Variants in DRC11L observed in about 807,000 individuals in gnomAD.
The protein encoded by DRC11L is dynein regulatory complex subunit 11 like.
chr7:151,192,564 C>T, the DRC11L span: 18 of 398,352 alleles, frequency 4.5e-5, no homozygotes, highest in African/African-American at 1.2e-4. Context: ...TCAGCCCTAG[C>T]GGGATGAGGA....
chr7:151,196,591 A>C, the DRC11L span: 4 of 399,542 alleles, frequency 1.0e-5, no homozygotes, highest in Non-Finnish European at 1.8e-5. Context: ...TGAAGGTCAG[A>C]GTGCCGGGTG....
chr7:151,190,942 C>T, the DRC11L span: 1 of 399,806 alleles, frequency 2.5e-6, no homozygotes, highest in African/African-American at 2.1e-5. Context: ...CTGCCCTGTC[C>T]CACGCCACTA....
chr7:151,193,625 C>T, the DRC11L span: 1 of 398,244 alleles, frequency 2.5e-6, no homozygotes, highest in Non-Finnish European at 4.4e-6. Flanking sequence ...TACTACCTTC[C>T]CCAACACCAG....
At chr7:151,196,995 C>T in the DRC11L span, 12 of 399,188 alleles carry the variant, frequency 3.0e-5, no homozygotes, top group East Asian at 1.4e-4. Context: ...TCTTCATGCC[C>T]GGCACAGATC....
chr7:151,192,770 A>T, the DRC11L span: 4 of 399,134 alleles, frequency 1.0e-5, no homozygotes, highest in East Asian at 1.4e-4. Flanking sequence ...GGGTCTTCTT[A>T]TAGAAATTCT....
the DRC11L span, chr7:151,203,583 A>C: frequency 2.5e-6 from 1 of 398,110 alleles, no homozygotes; most frequent in Non-Finnish European, 4.4e-6. Flanking sequence ...ATCCGTTACC[A>C]TTTTTAGGGG....
the DRC11L span, chr7:151,193,237 C>G: frequency 2.5e-6 from 1 of 399,002 alleles, no homozygotes; most frequent in Admixed American, 4.4e-5. Flanking sequence ...AGCCCCCCTC[C>G]TTTGTTGCCA....
chr7:151,205,455 T>C, the DRC11L span: 1 of 399,192 alleles, frequency 2.5e-6, no homozygotes, highest in East Asian at 3.6e-5. Flanking sequence ...CCTCAGACAT[T>C]GTGTCCACTC....
At chr7:151,195,632 C>A in the DRC11L span, 1 of 399,778 alleles carries the variant, frequency 2.5e-6, no homozygotes, top group South Asian at 1.3e-4. Flanking sequence ...GGAGCTTCCT[C>A]AGCTCCTGAC....
chr7:151,192,733 G>A, the DRC11L span: 1 of 399,194 alleles, frequency 2.5e-6, no homozygotes, highest in Non-Finnish European at 4.4e-6. Flanking sequence ...TCACATCCAT[G>A]CTCCCTCACC....
chr7:151,195,851 T>A, the DRC11L span: 1,776 of 384,616 alleles, frequency 4.6e-3, 26 homozygotes, highest in African/African-American at 0.032. Flanking sequence ...TCCTGGCACC[T>A]GTTCACACCC....
At chr7:151,204,591 T>G in the DRC11L span, 1 of 399,012 alleles carries the variant, frequency 2.5e-6, no homozygotes, top group Non-Finnish European at 4.4e-6. Context: ...GTCCTTGAGC[T>G]CCAGCACGCG....
At chr7:151,204,309 T>A in the DRC11L span, among the ~76,000 whole-genome samples, 8 of 152,172 alleles carry the variant, frequency 5.3e-5, no homozygotes, top group Admixed American at 4.6e-4. Flanking sequence ...CCCTCCTTCC[T>A]TTCCTAGCAG....
chr7:151,203,670 CA>C, the DRC11L span, among the ~76,000 whole-genome samples: 3 of 152,162 alleles, frequency 2.0e-5, no homozygotes, highest in African/African-American at 7.2e-5. Flanking sequence ...CAGATACCCC[CA>C]AGAGCCACTC....
the DRC11L span, chr7:151,196,359 G>A: frequency 2.4e-4 from 94 of 398,922 alleles, no homozygotes; most frequent in East Asian, 3.3e-3. Flanking sequence ...AAATGGGTGG[G>A]GAGGAGCCTG....
At chr7:151,196,421 AG>A in the DRC11L span, 1 of 399,058 alleles carries the variant, frequency 2.5e-6, no homozygotes, top group Admixed American at 4.4e-5. Context: ...GGTGGCCTGC[AG>A]GGAAGCCCTG....
chr7:151,195,722 C>T, the DRC11L span: 1 of 399,084 alleles, frequency 2.5e-6, no homozygotes, highest in Non-Finnish European at 4.4e-6. Flanking sequence ...GGGAGAGGAG[C>T]AGGCAGGCAG....
the DRC11L span, chr7:151,202,850 C>T: frequency 1.5e-5 from 6 of 399,242 alleles, no homozygotes; most frequent in Non-Finnish European, 2.7e-5. Context: ...TTACTGAGCC[C>T]AGCAGGCTTC....
At chr7:151,202,430 G>A in the DRC11L span, among the ~76,000 whole-genome samples, 119 of 152,256 alleles carry the variant, frequency 7.8e-4, no homozygotes, top group Non-Finnish European at 1.5e-3. Context: ...TAATTTTAAT[G>A]ATCCTTCTGT....
Sources: allele counts gnomAD v4.1 joint callset (sites outside exome capture counted in the v4.1 genomes callset), GRCh38; gene constraint gnomAD v4.1.1; transcripts MANE v1.5; gene names NCBI Gene and HGNC (gene_info 2026-07-23, HGNC 2026-07-21).